MAD2L2: variants seen among roughly 807,000 people sequenced by gnomAD.
The protein encoded by MAD2L2 is mitotic spindle assembly checkpoint protein MAD2B.
In MAD2L2, 17 loss-of-function variants were observed where a neutral mutation model predicts 30.5. The ratio of observed to expected loss-of-function variants is 0.56; its 90% CI spans 0.38 to 0.84. The LOEUF is 0.84. Ranked by LOEUF, MAD2L2 falls within the 40% of genes least tolerant of loss-of-function variation. MAD2L2 has a pLI of 0.00. For missense variants in MAD2L2, 213 were observed against 277.4 expected (o/e 0.77, Z 1.65); for synonymous variants, 101 against 113.9 (o/e 0.89, Z 0.72).
rs751024795 is a variant in MAD2L2, at chr1:11,680,482, G to T, written c.41-11C>A. The T allele has an allele frequency of 6.2e-7, 1 of 1,611,630 alleles. No individual in the cohort carries two copies. Among genetic ancestry groups the T allele is most frequent in the Non-Finnish European group, 8.5e-7 (1 of 1,178,752 alleles). Reference sequence around the variant, plus strand: ...GCACATCGGCCACCACTGCAGGGGGGCACAAGCCGGTGGCGCGCTCGAGGA... The same window carrying T: ...GCACATCGGCCACCACTGCAGGGGGTCACAAGCCGGTGGCGCGCTCGAGGA... On this transcript the variant is annotated splice_polypyrimidine_tract_variant and intron_variant, in intron 2 of 8. Transcript: ENST00000376692.
In MAD2L2 at chr1:11,677,555, T is replaced by A; in HGVS notation, c.219A>T (p.Pro73=). ...YIQDTLHCVK[P]LLEKNDVEKV... Reference sequence around the variant, plus strand: ...AGTGCACCCTCACCTTCTCCAGGAGTGGCTTGACGCAGTGCAGCGTGTCCT... The same window carrying A: ...AGTGCACCCTCACCTTCTCCAGGAGAGGCTTGACGCAGTGCAGCGTGTCCT... Residue 73 remains proline, a synonymous_variant, in exon 4 of 9, where the codon CCA becomes CCT. Coordinates refer to ENST00000376692, the MANE Select transcript of MAD2L2 (RefSeq NM_006341.4). 1 of 1,613,792 alleles carries A rather than the reference T, an allele frequency of 6.2e-7. No homozygotes were observed. Among genetic ancestry groups the A allele is most frequent in the South Asian group, 1.1e-5 (1 of 91,056 alleles).
upstream of MAD2L2, among the ~76,000 whole-genome samples, chr1:11,682,605 T>A (rs929951479): frequency 2.0e-5 from 3 of 152,000 alleles, no homozygotes; most frequent in African/African-American, 7.2e-5. Flanking sequence ...CAGGAGCCCA[T>A]TAATCACAGC....
chr1:11,680,942 AT>A (rs1290674189), intron 1 of MAD2L2, 96 bp downstream of exon 1: 1 of 307,440 alleles, frequency 3.3e-6, no homozygotes, highest in East Asian at 8.1e-5. Context: ...AAAGCGGGAC[AT>A]GCGGAAAGCG....
chr1:11,684,600 G>T (rs991955230), upstream of MAD2L2, among the ~76,000 whole-genome samples: 5 of 152,106 alleles, frequency 3.3e-5, no homozygotes, highest in Non-Finnish European at 5.9e-5. Context: ...GGGCAGAGGA[G>T]GACTGCTGGG....
intron 1 of MAD2L2, among the ~76,000 whole-genome samples, chr1:11,686,252 C>T (rs1640953922): frequency 6.6e-6 from 1 of 152,208 alleles, no homozygotes; most frequent in African/African-American, 2.4e-5. Flanking sequence ...TCTCCGCTCT[C>T]ATCTGCCTTC....
rs565981050 is a variant in MAD2L2 at position 11,688,493 on chromosome 1, A to C, written c.-692+2920T>G. 6.6e-6 allele frequency among the ~76,000 whole-genome samples: 1 copy of C among 152,228 alleles called. No individual in the cohort carries two copies. Among genetic ancestry groups the C allele is most frequent in the South Asian group, 2.1e-4 (1 of 4,822 alleles). ...GGCGAATCGCTTGAACTTGGGAGGC[A>C]GAGGTTGCAGTGAGCCAAGATCGCG... On this transcript the variant is annotated intron_variant, in intron 1 of 10. Transcript: ENST00000235310. The surrounding 1 kb of genome is among the most constrained non-coding windows in gnomAD (Gnocchi z 4.6).
chr1:11,686,923 A>G (rs911612506), intron 1 of MAD2L2, among the ~76,000 whole-genome samples: 1 of 151,986 alleles, frequency 6.6e-6, no homozygotes, highest in Non-Finnish European at 1.5e-5. Context: ...AATGTTGTAC[A>G]TCGCTACTCT....
At chr1:11,685,284 G>T (rs139566945), upstream of MAD2L2, among the ~76,000 whole-genome samples, 2 of 152,284 alleles carry the variant, frequency 1.3e-5, no homozygotes, top group East Asian at 3.9e-4. Context: ...AAGAATGAAT[G>T]GCAGAGGAAT....
At chr1:11,683,724 C>T (rs1640912250), upstream of MAD2L2, among the ~76,000 whole-genome samples, 1 of 152,118 alleles carries the variant, frequency 6.6e-6, no homozygotes, top group South Asian at 2.1e-4. Context: ...GTAATCCCAG[C>T]ACTTTGGGAG....
At chr1:11,675,522 T>A (rs559323628) in intron 7 of MAD2L2, 136 bp downstream of exon 7, 1 of 859,776 alleles carries the variant, frequency 1.2e-6, no homozygotes, top group African/African-American at 1.6e-5. Context: ...TGGACAGGCC[T>A]GAGGACCTGC....
chr1:11,675,774 G>C, intron 6 of MAD2L2, 43 bp from the exon 7 acceptor site: 2 of 1,524,528 alleles, frequency 1.3e-6, no homozygotes, highest in Middle Eastern at 1.7e-4. Context: ...CACCGCCCTG[G>C]TGCCAGCCAC....
chr1:11,675,652 T>A lies in MAD2L2; in HGVS notation c.501+6A>T, dbSNP rs375006460. The A allele has an allele frequency of 1.1e-5, 18 of 1,613,770 alleles. No homozygotes were observed. The highest frequency in any genetic ancestry group is 1.5e-5 in the Non-Finnish European group (18 of 1,179,816). On this transcript the variant is annotated splice_donor_region_variant and intron_variant, in intron 7 of 8. Coordinates refer to ENST00000376692, the MANE Select transcript of MAD2L2 (RefSeq NM_006341.4). ...TGCGCCCAGACCCAGACCCATCTCATCTCACCTTGATGACCTGGATCTTCT... is the reference window on the plus strand; with the variant it reads ...TGCGCCCAGACCCAGACCCATCTCAACTCACCTTGATGACCTGGATCTTCT...
In MAD2L2 at chr1:11,674,804, C is replaced by T. The variant is rs757456103; in HGVS notation, c.607G>A (p.Val203Met). 2.5e-6 allele frequency: 4 copies of T among 1,613,620 alleles called. No individual in the cohort carries two copies. The highest frequency in any genetic ancestry group is 1.3e-5 in the African/African-American group (1 of 74,934). ...CTGCCTTTATGAGCGCGCTCTTCCA[C>T]GTAAAGCTGCATCTGACGGACACAA... The part of the protein sequence containing the change: ...TSDILKMQLY[V>M]EERAHKGS Residue 203 changes from valine (V) to methionine (M), a missense_variant, in exon 9 of 9, where the codon GTG becomes ATG. Physicochemically the swap from Val to Met is conservative, Grantham distance 21 (BLOSUM62 1). Transcript: ENST00000376692. This position sits in a 1 kb window ranked among gnomAD's most constrained non-coding sequence, Gnocchi z 6.1.
chr1:11,680,727 C>T (rs1255075480), intron 1 of MAD2L2, 114 bp from the exon 2 acceptor site: 3 of 1,447,032 alleles, frequency 2.1e-6, no homozygotes, highest in Admixed American at 2.8e-5. Context: ...GAAGGACCTC[C>T]CGCTTCGCAC....
At position 11,675,104 on chromosome 1, in the gene MAD2L2, G is replaced by A; in HGVS notation, c.572C>T (p.Thr191Ile). The A allele has an allele frequency of 6.3e-7, 1 of 1,599,548 alleles. No homozygotes were observed. The highest frequency in any genetic ancestry group is 8.5e-7 in the Non-Finnish European group (1 of 1,173,088). Residue 191 changes from threonine (T) to isoleucine (I), a missense_variant, in exon 8 of 9, where the codon ACC (threonine) becomes ATC (isoleucine). By Grantham distance (89) the Thr-to-Ile change is moderately conservative. Coordinates refer to ENST00000376692, the MANE Select transcript of MAD2L2 (RefSeq NM_006341.4). ...CACCTTTAAAATGTCCGACGTCATG[G>A]TTTTTAGTGGTATCAGCCGGGGGTC... ...MHDPRLIPLK[T>I]MTSDILKMQL...
chr1:11,680,026 G>C (rs1352968741), intron 3 of MAD2L2, among the ~76,000 whole-genome samples: 1 of 115,110 alleles, frequency 8.7e-6, no homozygotes, highest in African/African-American at 3.4e-5. Flanking sequence ...ACGGAGTTTC[G>C]CTCTTGTCAC....
At chr1:11,685,162 C>T (rs1640937444), upstream of MAD2L2, among the ~76,000 whole-genome samples, 1 of 152,152 alleles carries the variant, frequency 6.6e-6, no homozygotes, top group Non-Finnish European at 1.5e-5. Context: ...CTCCTGGGCT[C>T]AAGTGATCCT....
rs1437578868 is a variant in MAD2L2 at position 11,688,047 on chromosome 1, G to T, written c.-692+3366C>A. ...ACATCGGAAGATCACCCAGCCAGGG[G>T]ACAGCCACAGTAGCAGCATTTGAAC... is the stretch of plus-strand genomic sequence containing the variant. On this transcript the variant is annotated intron_variant, in intron 1 of 10. Coordinates refer to the MAD2L2 transcript ENST00000235310. The surrounding 1 kb of genome is among the most constrained non-coding windows in gnomAD (Gnocchi z 4.6). 1.3e-5 allele frequency among the ~76,000 whole-genome samples: 2 copies of T among 152,148 alleles called. No individual in the cohort carries two copies. Among genetic ancestry groups the T allele is most frequent in the Non-Finnish European group, 2.9e-5 (2 of 68,044 alleles).
intron 1 of MAD2L2, 97 bp downstream of exon 1, chr1:11,680,942 A>T (rs977603908): frequency 3.3e-6 from 1 of 307,440 alleles, no homozygotes; most frequent in Non-Finnish European, 5.3e-6. Flanking sequence ...AAAGCGGGAC[A>T]TGCGGAAAGC....
Sources: gnomAD v4.1 joint callset for allele counts (sites outside exome capture counted in the v4.1 genomes callset) on GRCh38, gnomAD v4.1.1 for gene constraint, Gnocchi (gnomAD v3.1) non-coding constraint, MANE v1.5 for transcripts, NCBI Gene and HGNC (gene_info 2026-07-23, HGNC 2026-07-21) for gene names.